KDM1B: variants seen among roughly 807,000 people sequenced by gnomAD.
KDM1B encodes the protein lysine-specific histone demethylase 2.
In KDM1B, 63 loss-of-function variants were observed where a neutral mutation model predicts 107.4. That is an observed-to-expected ratio of 0.59 (90% CI 0.48 to 0.72). The LOEUF is 0.72. Ranked by LOEUF, KDM1B falls within the 30% of genes least tolerant of loss-of-function variation. The probability of loss-of-function intolerance (pLI) is 0.00; values close to 1 mark genes in which losing one functional copy is unlikely to be tolerated. For synonymous variants in KDM1B, 363 were observed against 363.9 expected, an observed-to-expected ratio of 1.00 and a Z score of 0.03; for missense variants, 749 against 1,020.8, an observed-to-expected ratio of 0.73 and a Z score of 3.63.
chr6:18,219,060 G>A (rs1478445867), intron 21 of KDM1B, among the ~76,000 whole-genome samples: 4 of 151,852 alleles, frequency 2.6e-5, no homozygotes, highest in African/African-American at 4.8e-5. Flanking sequence ...CCGCCACCAC[G>A]CCCGACTAAT....
chr6:18,160,000 A>C lies in KDM1B; in HGVS notation c.87+18A>C, dbSNP rs764205844. The C allele has an allele frequency of 2.6e-6, 4 of 1,526,876 alleles. No homozygotes were observed. In the South Asian group the frequency reaches 4.8e-5, roughly 18 times the overall value. 94.6% of individuals were successfully genotyped at this position (1,526,876 alleles called of 1,614,324 possible). A position where few individuals can be genotyped will look rare whatever the true frequency, so the allele number is the denominator to read the frequency against. On this transcript the variant is annotated intron_variant, in intron 3 of 21. Transcript: ENST00000650836. This position sits in a 1 kb window ranked among gnomAD's most constrained non-coding sequence, Gnocchi z 4.5. ...GTAGGCAGGTAGTGTTCATTTATTC[A>C]TTCAACAAGCCTTTTTTGAGCATGC... is the stretch of plus-strand genomic sequence containing the variant.
intron 7 of KDM1B, among the ~76,000 whole-genome samples, chr6:18,185,115 T>C (rs1489137103): frequency 6.6e-6 from 1 of 152,194 alleles, no homozygotes; most frequent in Non-Finnish European, 1.5e-5. Context: ...AGAGTCTCTC[T>C]CTGGAAAATA....
rs201818132 is a variant in KDM1B at position 18,205,975 on chromosome 6, AAAAT to A, written c.1659+327_1659+330del. Among the ~76,000 whole-genome samples, 33 of 151,760 alleles carry A rather than the reference AAAAT, an allele frequency of 2.2e-4. No individual in the cohort carries two copies. Among genetic ancestry groups the A allele is most frequent in the Admixed American group, 2.1e-3 (32 of 15,230 alleles). On this transcript the variant is annotated intron_variant, in intron 15 of 21. Coordinates refer to ENST00000650836, the MANE Select transcript of KDM1B (RefSeq NM_001364614.2). This position sits in a 1 kb window ranked among gnomAD's most constrained non-coding sequence, Gnocchi z 5.7. ...CCACTGCACTCCAGCCTGGAGTCTC[AAAAT>A]AAATAAATAAATAAAATACTTGTTT...
intron 9 of KDM1B, among the ~76,000 whole-genome samples, chr6:18,189,435 T>C (rs1446627771): frequency 6.6e-6 from 1 of 152,234 alleles, no homozygotes; most frequent in African/African-American, 2.4e-5. Flanking sequence ...AGCAGTGCTA[T>C]TTCTAGGAAT....
chr6:18,197,167 T>A lies in KDM1B; in HGVS notation c.1080T>A (p.Gly360=). Residue 360 remains glycine, a synonymous_variant, in exon 11 of 22, where the codon GGT becomes GGA. Coordinates refer to ENST00000650836, the MANE Select transcript of KDM1B (RefSeq NM_001364614.2). This position sits in a 1 kb window ranked among gnomAD's most constrained non-coding sequence, Gnocchi z 4.5. The stretch of plus-strand genomic sequence containing the variant: ...TACTGTATTTTATGACCAGAAAAGG[T>A]CTCATCAACACTGGAGTTCTCAGCG... ...ERILYFMTRK[G]LINTGVLSVG... is the part of the protein sequence containing the mutation. The A allele has an allele frequency of 1.9e-6, 3 of 1,614,128 alleles. No individual in the cohort carries two copies. The highest frequency in any genetic ancestry group is 8.5e-7 in the Non-Finnish European group (1 of 1,180,004).
rs768366111 is a variant in KDM1B at position 18,171,474 on chromosome 6, A to C, written c.529A>C (p.Ile177Leu). ...YRCGMKPNTA[I>L]KPETSDHCSL... ...ATGCGGTATGAAACCAAATACTGCT[A>C]TTAAGGTATGTTCTCTTTTTGCTTT... Residue 177 changes from isoleucine to leucine, a missense_variant, in exon 7 of 22, where the codon ATT becomes CTT. Coordinates refer to ENST00000650836, the MANE Select transcript of KDM1B (RefSeq NM_001364614.2). 1 of 1,536,454 alleles carries C rather than the reference A, an allele frequency of 6.5e-7. No homozygotes were observed. Among genetic ancestry groups the C allele is most frequent in the South Asian group, 1.1e-5 (1 of 89,532 alleles).
chr6:18,195,157 C>G (rs1200883478), intron 10 of KDM1B, among the ~76,000 whole-genome samples: 1 of 152,156 alleles, frequency 6.6e-6, no homozygotes, highest in Non-Finnish European at 1.5e-5. Context: ...TTTCATTGTT[C>G]ATATCACATT....
chr6:18,193,298 C>CTTTTT (rs61133563), intron 10 of KDM1B, among the ~76,000 whole-genome samples: 185 of 89,996 alleles, frequency 2.1e-3, no homozygotes, highest in East Asian at 2.9e-3. Context: ...TGTGTGCTTT[C>CTTTTT]TTTTTTTTTT....
In KDM1B at chr6:18,197,715, C is replaced by A; in HGVS notation, c.1221+54C>A. 7.6e-7 allele frequency: 1 copy of A among 1,308,326 alleles called. No individual in the cohort carries two copies. The highest frequency in any genetic ancestry group is 1.1e-6 in the Non-Finnish European group (1 of 923,730). 81.0% of individuals were successfully genotyped at this position (1,308,326 alleles called of 1,614,324 possible). A position where few individuals can be genotyped will look rare whatever the true frequency, so the allele number is the denominator to read the frequency against. ...CAGATGGTTGACTGCTCCTTTTGGTCCAAATTTCTAAGATTTAGAAACCAG... is the reference window on the plus strand; with the variant it reads ...CAGATGGTTGACTGCTCCTTTTGGTACAAATTTCTAAGATTTAGAAACCAG... On this transcript the variant is annotated intron_variant, in intron 12 of 21. Transcript: ENST00000650836. This position sits in a 1 kb window ranked among gnomAD's most constrained non-coding sequence, Gnocchi z 4.5.
intron 17 of KDM1B, among the ~76,000 whole-genome samples, chr6:18,210,652 C>T (rs1221869592): frequency 6.6e-6 from 1 of 152,000 alleles, no homozygotes. Context: ...TGAGCCACTG[C>T]ACCTGGGCTA....
rs1051416230 is a variant in KDM1B, at chr6:18,209,827, C to G, written c.1866+1621C>G. ...TCCAGTGTGCAGCCGTGGTTGAGAA[C>G]CTTGTCTGCAGTGACCTTTTCTGTA... On this transcript the variant is annotated intron_variant, in intron 17 of 21. Coordinates refer to ENST00000650836, the MANE Select transcript of KDM1B (RefSeq NM_001364614.2). This position sits in a 1 kb window ranked among gnomAD's most constrained non-coding sequence, Gnocchi z 4.3. Among the ~76,000 whole-genome samples, 1 of 152,194 alleles carries G rather than the reference C, an allele frequency of 6.6e-6. No homozygotes were observed. The highest frequency in any genetic ancestry group is 1.5e-5 in the Non-Finnish European group (1 of 68,036).
intron 7 of KDM1B, among the ~76,000 whole-genome samples, chr6:18,184,564 T>C (rs1355491828): frequency 2.0e-5 from 3 of 151,890 alleles, no homozygotes; most frequent in Non-Finnish European, 2.9e-5. Flanking sequence ...TGTGAGCCAC[T>C]GCACGGGGCC....
Position 18,213,100 on chromosome 6 carries a change from G to T in KDM1B, c.1983+496G>T, listed in dbSNP as rs371567142. 3.8e-4 allele frequency among the ~76,000 whole-genome samples: 58 copies of T among 152,262 alleles called. No homozygotes were observed. The highest frequency in any genetic ancestry group is 1.4e-3 in the African/African-American group (58 of 41,554). Reference sequence around the variant, plus strand: ...CTTCAGACTAGCTTCTAGGTTGCCAGTGGGTTCCATTATCCATGGGAATGG... The same window carrying T: ...CTTCAGACTAGCTTCTAGGTTGCCATTGGGTTCCATTATCCATGGGAATGG... On this transcript the variant is annotated intron_variant, in intron 18 of 21. Coordinates refer to ENST00000650836, the MANE Select transcript of KDM1B (RefSeq NM_001364614.2). The surrounding 1 kb of genome is among the most constrained non-coding windows in gnomAD (Gnocchi z 5.9).
chr6:18,213,751 T>C lies in KDM1B; in HGVS notation c.2079T>C (p.Leu693=), dbSNP rs1476221760. 2 of 1,613,988 alleles carry C rather than the reference T, an allele frequency of 1.2e-6. No homozygotes were observed. Among genetic ancestry groups the C allele is most frequent in the Non-Finnish European group, 1.7e-6 (2 of 1,179,990 alleles). Residue 693 remains leucine (L), a synonymous_variant, in exon 19 of 22, where the codon CTT becomes CTC. Transcript: ENST00000650836. This position sits in a 1 kb window ranked among gnomAD's most constrained non-coding sequence, Gnocchi z 5.9. ...HVPPSASKRG[L]FAVFYDMDPQ... ...CTCCCAGTGCCAGCAAGCGAGGGCT[T>C]TTTGCCGTGTTCTATGACATGGATC...
intron 21 of KDM1B, among the ~76,000 whole-genome samples, chr6:18,219,254 G>A (rs537190909): frequency 4.6e-5 from 7 of 152,184 alleles, no homozygotes; most frequent in African/African-American, 9.6e-5. Context: ...TCTAAGATCC[G>A]TCTCTTTCTT....
At position 18,204,645 on chromosome 6, in the gene KDM1B, A is replaced by T. The variant is rs1271887752; in HGVS notation, c.1532-892A>T. On this transcript the variant is annotated intron_variant, in intron 14 of 21. Transcript: ENST00000650836. This position sits in a 1 kb window ranked among gnomAD's most constrained non-coding sequence, Gnocchi z 4.9. ...CCTCTTCCAGCCCTGCTATAAAGGAATGTAAGACAAAAATGATATCACAGG... is the reference window on the plus strand; with the variant it reads ...CCTCTTCCAGCCCTGCTATAAAGGATTGTAAGACAAAAATGATATCACAGG... 6.6e-6 allele frequency among the ~76,000 whole-genome samples: 1 copy of T among 152,228 alleles called. No individual in the cohort carries two copies. The highest frequency in any genetic ancestry group is 1.5e-5 in the Non-Finnish European group (1 of 68,042).
rs1241133114 is a variant in KDM1B, at chr6:18,191,415, CA to C, written c.969+35del. On this transcript the variant is annotated intron_variant, in intron 10 of 21. Coordinates refer to ENST00000650836, the MANE Select transcript of KDM1B (RefSeq NM_001364614.2). The surrounding 1 kb of genome is among the most constrained non-coding windows in gnomAD (Gnocchi z 5.1). ...GGGCATGTTAGCCAATAGCACTGGA[CA>C]GAGGAGGACCATGTTGAAAAGGAGG... The C allele has an allele frequency of 6.6e-7, 1 of 1,523,034 alleles. No homozygotes were observed. Among genetic ancestry groups the C allele is most frequent in the East Asian group, 2.5e-5 (1 of 40,522 alleles). The allele number at this position is 1,523,034 out of a possible 1,614,324, so 94.3% of individuals were successfully genotyped here.
At chr6:18,175,563 A>G (rs1231300650) in intron 7 of KDM1B, among the ~76,000 whole-genome samples, 1 of 152,180 alleles carries the variant, frequency 6.6e-6, no homozygotes, top group Non-Finnish European at 1.5e-5. Flanking sequence ...GCAAGTGTCT[A>G]GAAAGGTTTT....
intron 7 of KDM1B, among the ~76,000 whole-genome samples, chr6:18,176,724 TG>T (rs1247640420): frequency 6.6e-6 from 1 of 152,256 alleles, no homozygotes; most frequent in Non-Finnish European, 1.5e-5. Flanking sequence ...ATGTGATTTT[TG>T]TTTTTAATTC....
Sources: gnomAD v4.1 joint callset for allele counts (sites outside exome capture counted in the v4.1 genomes callset) on GRCh38, gnomAD v4.1.1 for gene constraint, Gnocchi (gnomAD v3.1) non-coding constraint, MANE v1.5 for transcripts, NCBI Gene and HGNC (gene_info 2026-07-23, HGNC 2026-07-21) for gene names.